NR6A1: variants seen among roughly 807,000 people sequenced by gnomAD.
NR6A1 encodes the protein nuclear receptor subfamily 6 group A member 1.
A neutral mutation model predicts 59.1 loss-of-function variants in NR6A1; 7 were observed. That is an observed-to-expected ratio of 0.12 (90% CI 0.07 to 0.22). NR6A1 has a LOEUF of 0.22. NR6A1 is among the 10% of genes least tolerant of loss of function. The pLI, the probability that NR6A1 is intolerant of heterozygous loss-of-function variation, is 1.00. For missense variants in NR6A1, 468 were observed against 611.6 expected, an observed-to-expected ratio of 0.77 and a Z score of 2.48; for synonymous variants, 243 against 236.1, an observed-to-expected ratio of 1.03 and a Z score of -0.27.
At chr9:124,755,509 C>T (rs1308320767) in intron 1 of NR6A1, among the ~76,000 whole-genome samples, 1 of 152,182 alleles carries the variant, frequency 6.6e-6, no homozygotes. Flanking sequence ...TGCTTTACTG[C>T]TGGACTCTTC....
intron 2 of NR6A1, among the ~76,000 whole-genome samples, chr9:124,718,788 A>C (rs969465830): frequency 1.3e-5 from 2 of 148,766 alleles, no homozygotes; most frequent in South Asian, 2.1e-4. Context: ...TCCCCTATTA[A>C]ACTTAAATTG....
intron 2 of NR6A1, among the ~76,000 whole-genome samples, chr9:124,591,306 G>A (rs954428289): frequency 6.6e-6 from 1 of 152,144 alleles, no homozygotes; most frequent in African/African-American, 2.4e-5. Context: ...TCCCATAGCG[G>A]TCCTGTGAGA....
intron 2 of NR6A1, among the ~76,000 whole-genome samples, chr9:124,645,038 C>T (rs996925144): frequency 6.6e-6 from 1 of 152,084 alleles, no homozygotes; most frequent in East Asian, 1.9e-4. Flanking sequence ...CAAATCCTAA[C>T]GGAAACAAAA....
chr9:124,706,021 C>A (rs934728278), intron 2 of NR6A1, among the ~76,000 whole-genome samples: 2 of 152,216 alleles, frequency 1.3e-5, no homozygotes, highest in African/African-American at 4.8e-5. Context: ...GGTGATCCAC[C>A]TGCCTCGGCC....
At chr9:124,536,909 C>G (rs1183861941) in intron 6 of NR6A1, among the ~76,000 whole-genome samples, 1 of 152,148 alleles carries the variant, frequency 6.6e-6, no homozygotes, top group Admixed American at 6.6e-5. Context: ...CACTCCACCC[C>G]CTGGTGGTGA....
rs1588695185 is a variant in NR6A1 at position 124,593,977 on chromosome 9, T to C, written c.143-39407A>G. 2.0e-5 allele frequency among the ~76,000 whole-genome samples: 3 copies of C among 152,186 alleles called. No individual in the cohort carries two copies. In the South Asian group the frequency reaches 6.2e-4, roughly 32 times the overall value. ...AGATCAGGCCTGCCACAGTGAAAGC[T>C]TGAATAGAGTTAACCCTCTGTGAAC... On this transcript the variant is annotated intron_variant, in intron 2 of 9. Coordinates refer to ENST00000487099, the MANE Select transcript of NR6A1 (RefSeq NM_033334.4).
In NR6A1 at chr9:124,692,766, G is replaced by T. The variant is rs568913550; in HGVS notation, c.142+40542C>A. Among the ~76,000 whole-genome samples, 159 of 152,318 alleles carry T rather than the reference G, an allele frequency of 1.0e-3. 1 individual carries two copies. Among genetic ancestry groups the T allele is most frequent in the African/African-American group, 3.7e-3 (155 of 41,572 alleles). On this transcript the variant is annotated intron_variant, in intron 2 of 9. Coordinates refer to ENST00000487099, the MANE Select transcript of NR6A1 (RefSeq NM_033334.4). ...TTCAACAAGGTAAGGAGCAGTCCAT[G>T]ATGATATCTAATGTACCTACATGTC...
At chr9:124,719,089 C>G (rs901363122) in intron 2 of NR6A1, among the ~76,000 whole-genome samples, 1 of 151,924 alleles carries the variant, frequency 6.6e-6, no homozygotes, top group Non-Finnish European at 1.5e-5. Flanking sequence ...ATTGTTCAAT[C>G]TAAGTTTTCT....
intron 2 of NR6A1, among the ~76,000 whole-genome samples, chr9:124,565,510 G>C (rs1834214079): frequency 6.6e-6 from 1 of 152,028 alleles, no homozygotes; most frequent in South Asian, 2.1e-4. Flanking sequence ...TTGATAAAAT[G>C]GCATTAAAGT....
At chr9:124,560,076 G>A (rs1834040077) in intron 2 of NR6A1, among the ~76,000 whole-genome samples, 1 of 152,174 alleles carries the variant, frequency 6.6e-6, no homozygotes, top group South Asian at 2.1e-4. Flanking sequence ...CAACCAATCA[G>A]GAGTGGAGCT....
intron 2 of NR6A1, among the ~76,000 whole-genome samples, chr9:124,566,915 C>T (rs200985571): frequency 4.5e-4 from 68 of 151,906 alleles, no homozygotes; most frequent in Non-Finnish European, 5.7e-4. Context: ...GAGACCATCC[C>T]GGCTAAAACG....
intron 1 of NR6A1, among the ~76,000 whole-genome samples, chr9:124,757,890 G>A (rs770974832): frequency 1.1e-4 from 17 of 152,192 alleles, no homozygotes; most frequent in Non-Finnish European, 2.2e-4. Context: ...TAAATTTACA[G>A]TGTTTCACAC....
At chr9:124,750,018 A>G (rs1052125781) in intron 1 of NR6A1, among the ~76,000 whole-genome samples, 6 of 152,186 alleles carry the variant, frequency 3.9e-5, no homozygotes, top group Non-Finnish European at 5.9e-5. Flanking sequence ...CAGTGACCAT[A>G]CTATTCAAAA....
chr9:124,549,636 A>G (rs1833709634), intron 3 of NR6A1, among the ~76,000 whole-genome samples: 1 of 152,240 alleles, frequency 6.6e-6, no homozygotes, highest in Non-Finnish European at 1.5e-5. Flanking sequence ...GCTGTCTTGC[A>G]CATAGGTGAA....
chr9:124,611,339 T>G (rs1312884912), intron 2 of NR6A1, among the ~76,000 whole-genome samples: 1 of 152,138 alleles, frequency 6.6e-6, no homozygotes, highest in African/African-American at 2.4e-5. Flanking sequence ...ATCTCTGTTT[T>G]CAAGCCCATT....
chr9:124,674,337 T>C (rs1325469618), intron 2 of NR6A1, among the ~76,000 whole-genome samples: 1 of 152,202 alleles, frequency 6.6e-6, no homozygotes, highest in Non-Finnish European at 1.5e-5. Flanking sequence ...AAACTGAGTA[T>C]GAAATGGTAC....
intron 2 of NR6A1, among the ~76,000 whole-genome samples, chr9:124,589,051 A>T (rs976030431): frequency 6.6e-5 from 10 of 152,064 alleles, no homozygotes; most frequent in African/African-American, 2.4e-4. Flanking sequence ...TCACTGTGGC[A>T]CATCATCACC....
At chr9:124,604,876 C>T (rs1459980519) in intron 2 of NR6A1, among the ~76,000 whole-genome samples, 1 of 151,992 alleles carries the variant, frequency 6.6e-6, no homozygotes, top group African/African-American at 2.4e-5. Context: ...TTTATCTTGC[C>T]TTTCCTAGAT....
At chr9:124,695,856 G>C (rs1442932017) in intron 2 of NR6A1, among the ~76,000 whole-genome samples, 1 of 152,116 alleles carries the variant, frequency 6.6e-6, no homozygotes, top group African/African-American at 2.4e-5. Flanking sequence ...ACTTGAACAA[G>C]CATGCTATTT....
Sources: gnomAD v4.1 joint callset for allele counts (sites outside exome capture counted in the v4.1 genomes callset) on GRCh38, gnomAD v4.1.1 for gene constraint, MANE v1.5 for transcripts, NCBI Gene and HGNC (gene_info 2026-07-23, HGNC 2026-07-21) for gene names.